PLEKHA5: variants seen among roughly 807,000 people sequenced by gnomAD.
PLEKHA5 encodes the protein pleckstrin homology domain containing A5.
Under a neutral mutation model 181.9 loss-of-function variants are expected in PLEKHA5, and 55 were observed. The ratio of observed to expected loss-of-function variants is 0.30; its 90% CI spans 0.24 to 0.38. The LOEUF (loss-of-function observed/expected upper bound fraction) is 0.38, where lower values mean the gene tolerates loss of function less well. Ranked by LOEUF, PLEKHA5 falls within the 10% of genes least tolerant of loss-of-function variation. PLEKHA5 has a pLI of 1.00. For missense variants in PLEKHA5, 1,432 were observed against 1,549.5 expected, an observed-to-expected ratio of 0.92 and a Z score of 1.27; for synonymous variants, 535 against 529.4, an observed-to-expected ratio of 1.01 and a Z score of -0.15.
chr12:19,307,643 T>C (rs900617294), intron 15 of PLEKHA5: 10 of 319,870 alleles, frequency 3.1e-5, no homozygotes, highest in Admixed American at 1.1e-4. Context: ...AGTGATTACA[T>C]TGTCAGTCTA....
At chr12:19,305,508 C>A (rs970536306) in intron 15 of PLEKHA5, among the ~76,000 whole-genome samples, 7 of 149,518 alleles carry the variant, frequency 4.7e-5, no homozygotes, top group African/African-American at 1.7e-4. Context: ...TTGCAGTGAG[C>A]CAAGATGGCA....
At chr12:19,191,698 A>G (rs1467905876) in intron 3 of PLEKHA5, among the ~76,000 whole-genome samples, 1 of 152,140 alleles carries the variant, frequency 6.6e-6, no homozygotes, top group Non-Finnish European at 1.5e-5. Context: ...TTGGTTGGGT[A>G]GTTCTGGCTC....
At chr12:19,145,697 T>C (rs773220406) in intron 3 of PLEKHA5, among the ~76,000 whole-genome samples, 9 of 151,940 alleles carry the variant, frequency 5.9e-5, no homozygotes, top group Non-Finnish European at 1.2e-4. Context: ...CCCTGCCCAA[T>C]TGCTAGAAGT....
chr12:19,287,112 G>A (rs1428712299), intron 12 of PLEKHA5, among the ~76,000 whole-genome samples: 2 of 151,944 alleles, frequency 1.3e-5, no homozygotes, highest in South Asian at 2.1e-4. Context: ...CTTGTCCCAC[G>A]TCAGCCTTCC....
chr12:19,304,865 C>T (rs763290724), intron 15 of PLEKHA5, among the ~76,000 whole-genome samples: 13 of 151,582 alleles, frequency 8.6e-5, no homozygotes, highest in Non-Finnish European at 1.6e-4. Flanking sequence ...GAGGCCAACA[C>T]GGGTGGATCT....
chr12:19,324,606 T>A (rs2091675896), intron 20 of PLEKHA5, among the ~76,000 whole-genome samples: 1 of 152,188 alleles, frequency 6.6e-6, no homozygotes, highest in Non-Finnish European at 1.5e-5. Flanking sequence ...GCACCTGAAA[T>A]ACTGTCTACA....
chr12:19,218,623 A>G (rs958915232), intron 3 of PLEKHA5, among the ~76,000 whole-genome samples: 1 of 152,124 alleles, frequency 6.6e-6, no homozygotes, highest in Non-Finnish European at 1.5e-5. Context: ...GTTTCTCCAT[A>G]AAATATTTTC....
rs1462639056 is a variant in PLEKHA5, at chr12:19,359,476, A to G, written c.3413A>G (p.His1138Arg). ...AGAGAAAATGATGTAAAGCCAGACC[A>G]TGAAACTCCTGCAACAGAAATTGTT... The part of the protein sequence containing the change: ...AIRENDVKPD[H>R]ETPATEIVQL... Residue 1138 changes from histidine to arginine, a missense_variant, in exon 28 of 32, where the codon CAT (histidine) becomes CGT (arginine). Around this residue, in one of 2 missense-constraint regions of PLEKHA5, gnomAD observed 1,143 missense variants for 1,168.4 expected, o/e 0.98. Coordinates refer to ENST00000429027, the MANE Select transcript of PLEKHA5 (RefSeq NM_001256470.2). The G allele has an allele frequency of 6.2e-7, 1 of 1,613,842 alleles. No individual in the cohort carries two copies. Among genetic ancestry groups the G allele is most frequent in the Admixed American group, 1.7e-5 (1 of 59,998 alleles).
chr12:19,156,218 T>TG (rs1310012695), intron 3 of PLEKHA5, among the ~76,000 whole-genome samples: 1 of 151,026 alleles, frequency 6.6e-6, no homozygotes, highest in Non-Finnish European at 1.5e-5. Context: ...TTTTTTGTTT[T>TG]TTTTTTTCTC....
intron 3 of PLEKHA5, among the ~76,000 whole-genome samples, chr12:19,174,938 A>T (rs905241141): frequency 1.3e-5 from 2 of 152,214 alleles, no homozygotes; most frequent in Non-Finnish European, 2.9e-5. Flanking sequence ...GTAGTGAGAG[A>T]AATTTTATTT....
chr12:19,240,967 A>T (rs1160883134), intron 3 of PLEKHA5, among the ~76,000 whole-genome samples: 1 of 152,072 alleles, frequency 6.6e-6, no homozygotes. Context: ...TTATTCTGTT[A>T]TGTGGCTTTA....
rs1471573830 is a variant in PLEKHA5 at position 19,328,593 on chromosome 12, GTGTGTA to G, written c.2448+5928_2448+5933del. Among the ~76,000 whole-genome samples, 210 of 141,390 alleles carry G rather than the reference GTGTGTA, an allele frequency of 1.5e-3. 1 individual carries two copies. Among genetic ancestry groups the G allele is most frequent in the East Asian group, 4.6e-3 (23 of 4,948 alleles). The allele number at this position is 141,390 out of a possible 152,430, so 92.8% of individuals were successfully genotyped here. On this transcript the variant is annotated intron_variant, in intron 20 of 31. Transcript: ENST00000429027. ...TGTGTGTGTGTGTGTGTGTGTGTGT[GTGTGTA>G]TTGTAAATGGAATTGCATTCTTGAT...
chr12:19,318,239 T>C (rs909602364), intron 16 of PLEKHA5, among the ~76,000 whole-genome samples: 2 of 152,038 alleles, frequency 1.3e-5, no homozygotes, highest in African/African-American at 2.4e-5. Context: ...CTTTATTGAA[T>C]AACTTGATAA....
intron 30 of PLEKHA5, among the ~76,000 whole-genome samples, chr12:19,367,211 T>G (rs192788331): frequency 6.6e-6 from 1 of 151,518 alleles, no homozygotes; most frequent in East Asian, 2.0e-4. Context: ...TTTATGATTT[T>G]TTGGGAACAG....
chr12:19,184,603 A>G (rs2151888349), intron 3 of PLEKHA5, among the ~76,000 whole-genome samples: 1 of 152,324 alleles, frequency 6.6e-6, no homozygotes, highest in Admixed American at 6.5e-5. Context: ...TTCATGGAAG[A>G]CAGAATGTCT....
chr12:19,255,327 T>G (rs2066570183), intron 5 of PLEKHA5, among the ~76,000 whole-genome samples, 162 bp downstream of exon 5: 1 of 152,114 alleles, frequency 6.6e-6, no homozygotes, highest in Non-Finnish European at 1.5e-5. Context: ...TACAAAGTAA[T>G]AAGATTGTAA....
At chr12:19,223,000 CTT>C (rs62719560) in intron 3 of PLEKHA5, among the ~76,000 whole-genome samples, 64,107 of 128,714 alleles carry the variant, frequency 0.5, 17,140 homozygotes, top group Non-Finnish European at 0.64. Context: ...GAAATTTTGT[CTT>C]TTTTTTTTTT....
intron 20 of PLEKHA5, among the ~76,000 whole-genome samples, chr12:19,328,751 G>A (rs984453241): frequency 1.3e-5 from 2 of 152,082 alleles, no homozygotes; most frequent in Non-Finnish European, 2.9e-5. Context: ...GGTCTTTAGG[G>A]TTTTCTAGGT....
chr12:19,344,465 ATATT>A (rs2153187966), intron 22 of PLEKHA5, among the ~76,000 whole-genome samples: 1 of 152,340 alleles, frequency 6.6e-6, no homozygotes, highest in East Asian at 1.9e-4. Flanking sequence ...GAACTGTAAT[ATATT>A]TATCCATTTC....
Sources: allele counts gnomAD v4.1 joint callset (sites outside exome capture counted in the v4.1 genomes callset), GRCh38; gene constraint gnomAD v4.1.1; regional missense constraint gnomAD v4.1.1; transcripts MANE v1.5; gene names NCBI Gene and HGNC (gene_info 2026-07-23, HGNC 2026-07-21).